ARHGAP15: variants seen among roughly 807,000 people sequenced by gnomAD.
ARHGAP15 encodes the protein Rho GTPase activating protein 15.
ARHGAP15 carries 51 observed loss-of-function variants against 63.7 expected under a neutral mutation model. The ratio of observed to expected loss-of-function variants is 0.80; its 90% confidence interval spans 0.64 to 1.01. The LOEUF (loss-of-function observed/expected upper bound fraction) is 1.01. ARHGAP15 is among the 50% of genes least tolerant of loss of function. The pLI, the probability that ARHGAP15 is intolerant of heterozygous loss-of-function variation, is 0.00. For synonymous variants in ARHGAP15, 191 were observed against 193.8 expected, an observed-to-expected ratio of 0.99 and a Z score of 0.12; for missense variants, 560 against 564.6, an observed-to-expected ratio of 0.99 and a Z score of 0.08.
At chr2:143,498,807 A>C (rs1228875988) in intron 9 of ARHGAP15, among the ~76,000 whole-genome samples, 1 of 152,180 alleles carries the variant, frequency 6.6e-6, no homozygotes, top group Non-Finnish European at 1.5e-5. Flanking sequence ...CTGGGAGGGA[A>C]AGAGGTATTT....
intron 13 of ARHGAP15, among the ~76,000 whole-genome samples, chr2:143,747,619 T>C (rs1432209795): frequency 1.3e-5 from 2 of 152,206 alleles, no homozygotes; most frequent in African/African-American, 4.8e-5. Context: ...GTCAGGTGCT[T>C]GGAATCATAT....
intron 2 of ARHGAP15, among the ~76,000 whole-genome samples, chr2:143,186,740 C>T (rs1188413891): frequency 6.6e-6 from 1 of 152,170 alleles, no homozygotes; most frequent in Non-Finnish European, 1.5e-5. Flanking sequence ...CCGAAACAAA[C>T]ACTTTGATCA....
chr2:143,579,168 CGCATAATTAA>C (rs968889842), intron 11 of ARHGAP15, among the ~76,000 whole-genome samples: 2 of 152,022 alleles, frequency 1.3e-5, no homozygotes, highest in Non-Finnish European at 2.9e-5. Flanking sequence ...TACAATGTAT[CGCATAATTAA>C]GCATAATTAT....
intron 8 of ARHGAP15, among the ~76,000 whole-genome samples, chr2:143,471,333 C>T (rs747805805): frequency 2.0e-5 from 3 of 149,906 alleles, no homozygotes; most frequent in South Asian, 2.1e-4. Context: ...CACTTTTTTG[C>T]TTAAAGATTA....
chr2:143,369,661 C>A (rs1053936067), intron 6 of ARHGAP15, among the ~76,000 whole-genome samples: 1 of 151,966 alleles, frequency 6.6e-6, no homozygotes, highest in Non-Finnish European at 1.5e-5. Context: ...GGCATTTGGG[C>A]CATACATATA....
intron 12 of ARHGAP15, among the ~76,000 whole-genome samples, chr2:143,688,624 A>G (rs141523605): frequency 3.9e-5 from 6 of 152,316 alleles, no homozygotes; most frequent in Admixed American, 2.0e-4. Context: ...GAATTACATA[A>G]GCCTTCACGT....
intron 3 of ARHGAP15, among the ~76,000 whole-genome samples, chr2:143,211,901 G>C (rs1428362776): frequency 6.6e-6 from 1 of 152,130 alleles, no homozygotes; most frequent in Non-Finnish European, 1.5e-5. Flanking sequence ...TCAGAACAAA[G>C]GGGAAGAGAA....
At chr2:143,250,697 T>C (rs551699798) in intron 6 of ARHGAP15, 97 bp downstream of exon 6, 4 of 943,016 alleles carry the variant, frequency 4.2e-6, no homozygotes, top group African/African-American at 3.3e-5. Context: ...GATGTGCTCA[T>C]GTACATGAAC....
intron 11 of ARHGAP15, among the ~76,000 whole-genome samples, chr2:143,580,696 AT>A (rs1242994277): frequency 6.6e-6 from 1 of 152,084 alleles, no homozygotes; most frequent in Non-Finnish European, 1.5e-5. Context: ...ACTTTAAAAT[AT>A]CCTAGTTTTT....
chr2:143,391,508 G>A (rs1019885638), intron 6 of ARHGAP15, among the ~76,000 whole-genome samples: 12 of 152,086 alleles, frequency 7.9e-5, no homozygotes, highest in African/African-American at 2.9e-4. Context: ...GTTTTGGGGA[G>A]CCTGCCTTCA....
intron 6 of ARHGAP15, among the ~76,000 whole-genome samples, chr2:143,388,971 G>T (rs1687421402): frequency 6.6e-6 from 1 of 151,708 alleles, no homozygotes; most frequent in South Asian, 2.1e-4. Context: ...TGGTAAACTA[G>T]TAGTTTAGAT....
intron 2 of ARHGAP15, among the ~76,000 whole-genome samples, chr2:143,191,634 A>T (rs1691687160): frequency 6.6e-6 from 1 of 152,214 alleles, no homozygotes; most frequent in Non-Finnish European, 1.5e-5. Context: ...GGATGTGACA[A>T]GTTGTGAGAG....
chr2:143,762,473 C>T (rs887482846), intron 13 of ARHGAP15, among the ~76,000 whole-genome samples: 5 of 152,126 alleles, frequency 3.3e-5, no homozygotes, highest in Admixed American at 6.6e-5. Flanking sequence ...GTGGAACTAG[C>T]CGGAATGACC....
rs2072986476 is a variant in ARHGAP15, at chr2:143,768,317, T to TAAG, written c.*146_*148dup. On this transcript the variant is annotated 3_prime_UTR_variant, in exon 14 of 14. Transcript: ENST00000295095. Reference sequence around the variant, plus strand: ...GAAAACTTAATGATGATTTTGTGTTTAAGTTCCAAACATTTGAATAAAATA... The same window carrying TAAG: ...GAAAACTTAATGATGATTTTGTGTTTAAGAAGTTCCAAACATTTGAATAAAATA... The TAAG allele has an allele frequency of 2.6e-6, 2 of 778,430 alleles. No individual in the cohort carries two copies. Among genetic ancestry groups the TAAG allele is most frequent in the South Asian group, 1.9e-5 (1 of 52,822 alleles). The allele number at this position is 778,430 out of a possible 1,614,324, so 48.2% of individuals were successfully genotyped here. A position where few individuals can be genotyped will look rare whatever the true frequency, so the allele number is the denominator to read the frequency against.
chr2:143,684,720 T>C (rs1394844498), intron 12 of ARHGAP15, among the ~76,000 whole-genome samples: 4 of 152,224 alleles, frequency 2.6e-5, no homozygotes, highest in Non-Finnish European at 5.9e-5. Flanking sequence ...TAAATATGGC[T>C]TTGCTTTAAG....
intron 6 of ARHGAP15, among the ~76,000 whole-genome samples, chr2:143,383,332 C>G (rs1558934772): frequency 6.6e-6 from 1 of 152,106 alleles, no homozygotes; most frequent in Non-Finnish European, 1.5e-5. Flanking sequence ...GATTTCTTGG[C>G]TCACTTATAT....
chr2:143,450,664 A>T (rs1034317771), intron 8 of ARHGAP15, among the ~76,000 whole-genome samples: 2 of 151,832 alleles, frequency 1.3e-5, no homozygotes, highest in Non-Finnish European at 2.9e-5. Flanking sequence ...TAATTATTAC[A>T]CTCTCAACTT....
At chr2:143,486,062 G>A (rs1184792808) in intron 8 of ARHGAP15, among the ~76,000 whole-genome samples, 2 of 152,120 alleles carry the variant, frequency 1.3e-5, no homozygotes, top group African/African-American at 2.4e-5. Context: ...AAAGCAGGAT[G>A]CAAAAATTCC....
rs189016695 is a variant in ARHGAP15, at chr2:143,559,025, T to A, written c.1003+2540T>A. ...TTTAACTGAATCAGCGTACCCCCTC[T>A]GTGGGTAAAATATGGATAAAATAGC... is the stretch of plus-strand genomic sequence containing the variant. On this transcript the variant is annotated intron_variant, in intron 11 of 13. Transcript: ENST00000295095. Among the ~76,000 whole-genome samples the A allele has an allele frequency of 5.0e-3, 766 of 152,294 alleles. 5 individuals carry two copies. The highest frequency in any genetic ancestry group is 7.5e-3 in the Non-Finnish European group (511 of 68,016).
Sources: allele counts gnomAD v4.1 joint callset (sites outside exome capture counted in the v4.1 genomes callset), GRCh38; gene constraint gnomAD v4.1.1; transcripts MANE v1.5; gene names NCBI Gene and HGNC (gene_info 2026-07-23, HGNC 2026-07-21).